The following TSPAN11 variants were observed in gnomAD, a reference collection of about 807,000 sequenced individuals.
The protein encoded by TSPAN11 is tetraspanin-11.
A neutral mutation model predicts 32.9 loss-of-function variants in TSPAN11; 29 were observed. The ratio of observed to expected loss-of-function variants is 0.88; its 90% confidence interval spans 0.66 to 1.20. The LOEUF is 1.20. Ranked by LOEUF, TSPAN11 falls within the 50% of genes most tolerant of loss-of-function variation. The probability of loss-of-function intolerance (pLI) is 0.00; values close to 1 mark genes in which losing one functional copy is unlikely to be tolerated. For missense variants in TSPAN11, 283 were observed against 329.1 expected (o/e 0.86, Z 1.08); for synonymous variants, 140 against 141.3 (o/e 0.99, Z 0.07).
At chr12:30,939,110 G>A (rs1304872417) in intron 1 of TSPAN11, among the ~76,000 whole-genome samples, 1 of 151,946 alleles carries the variant, frequency 6.6e-6, no homozygotes, top group African/African-American at 2.4e-5. Context: ...GCATGGTGGT[G>A]CATGCCTGTA....
intron 3 of TSPAN11, among the ~76,000 whole-genome samples, chr12:30,969,503 C>T (rs1938804814): frequency 6.6e-6 from 1 of 152,150 alleles, no homozygotes; most frequent in Admixed American, 6.5e-5. Flanking sequence ...ACCTCAGAAC[C>T]CTGAAGGCTC....
intron 2 of TSPAN11, among the ~76,000 whole-genome samples, chr12:30,961,018 G>C (rs1267401588): frequency 7.2e-6 from 1 of 138,272 alleles, no homozygotes; most frequent in Non-Finnish European, 1.5e-5. Context: ...CAGACTAGGC[G>C]ACAGAGCGAG....
Position 30,954,198 on chromosome 12 carries a change from T to C in TSPAN11, c.84+123T>C, listed in dbSNP as rs965865248. 8 of 730,780 alleles carry C rather than the reference T, an allele frequency of 1.1e-5. No homozygotes were observed. The African/African-American group carries it at 1.2e-4, about 11-fold the overall frequency. The allele number at this position is 730,780 out of a possible 1,614,324, so 45.3% of individuals were successfully genotyped here. A position where few individuals can be genotyped will look rare whatever the true frequency, so the allele number is the denominator to read the frequency against. On this transcript the variant is annotated intron_variant, in intron 2 of 7. Coordinates refer to ENST00000546076, the MANE Select transcript of TSPAN11 (RefSeq NM_001370302.1). ...CAAATCAAAGATCAACGATCAACCATGGGTGAATTCTTCCCACTTTAAAGC... is the reference window on the plus strand; with the variant it reads ...CAAATCAAAGATCAACGATCAACCACGGGTGAATTCTTCCCACTTTAAAGC...
chr12:30,983,566 T>C (rs1939141021), intron 7 of TSPAN11, among the ~76,000 whole-genome samples: 1 of 152,132 alleles, frequency 6.6e-6, no homozygotes, highest in African/African-American at 2.4e-5. Flanking sequence ...TGTGTGTGAG[T>C]GTGCACGTAT....
At chr12:30,938,826 TC>T (rs1255600697) in intron 1 of TSPAN11, among the ~76,000 whole-genome samples, 1 of 152,034 alleles carries the variant, frequency 6.6e-6, no homozygotes, top group East Asian at 1.9e-4. Context: ...CAACTTATCT[TC>T]CCTCCTCAAA....
intron 1 of TSPAN11, among the ~76,000 whole-genome samples, chr12:30,937,343 A>G (rs747589417): frequency 1.3e-5 from 2 of 152,320 alleles, no homozygotes; most frequent in African/African-American, 4.8e-5. Flanking sequence ...GTTGCATCTT[A>G]ACAGCTGAGA....
intron 3 of TSPAN11, among the ~76,000 whole-genome samples, chr12:30,973,091 TC>T (rs1245625433): frequency 6.6e-6 from 1 of 152,062 alleles, no homozygotes; most frequent in Non-Finnish European, 1.5e-5. Context: ...CATCCGTCCA[TC>T]CCTCCCCCAT....
chr12:30,963,260 A>G (rs538410972), intron 2 of TSPAN11, among the ~76,000 whole-genome samples: 2 of 152,310 alleles, frequency 1.3e-5, no homozygotes, highest in African/African-American at 2.4e-5. Flanking sequence ...CCTGCCCCCA[A>G]CTACAGGCAG....
chr12:30,963,955 A>T lies in TSPAN11; in HGVS notation c.214A>T (p.Met72Leu). 6.2e-7 allele frequency: 1 copy of T among 1,614,072 alleles called. No individual in the cohort carries two copies. The highest frequency in any genetic ancestry group is 8.5e-7 in the Non-Finnish European group (1 of 1,180,016). Reference protein sequence around the residue: ...YILIFAGVLVMVTGFLGFGAI... With the variant: ...YILIFAGVLVLVTGFLGFGAI... ...CCTCATCTTTGCGGGCGTACTTGTCATGGTGACCGGCTTCCTGGGCTTCGG... is the reference window on the plus strand; with the variant it reads ...CCTCATCTTTGCGGGCGTACTTGTCTTGGTGACCGGCTTCCTGGGCTTCGG... Residue 72 changes from methionine (M) to leucine (L), a missense_variant, in exon 3 of 8, where the codon ATG (methionine) becomes TTG (leucine). Met to Leu is a conservative substitution (Grantham distance 15, BLOSUM62 2). Coordinates refer to ENST00000546076, the MANE Select transcript of TSPAN11 (RefSeq NM_001370302.1).
the TSPAN11 span, among the ~76,000 whole-genome samples, chr12:31,008,843 C>T: frequency 2.0e-5 from 3 of 152,024 alleles, no homozygotes; most frequent in African/African-American, 7.3e-5. Context: ...GGTTCCCACC[C>T]ATTTCCCTGA....
the TSPAN11 span, among the ~76,000 whole-genome samples, chr12:31,007,052 C>G: frequency 1.7e-4 from 26 of 152,240 alleles, no homozygotes; most frequent in Middle Eastern, 3.4e-3. Context: ...GTAGGGGGGG[C>G]CCCTCCCCAG....
At chr12:30,966,678 G>T (rs1938740223) in intron 3 of TSPAN11, among the ~76,000 whole-genome samples, 1 of 152,256 alleles carries the variant, frequency 6.6e-6, no homozygotes, top group Non-Finnish European at 1.5e-5. Flanking sequence ...GAGGCCAAGG[G>T]GGAGGATGTG....
At chr12:30,970,358 G>A (rs1157843592) in intron 3 of TSPAN11, among the ~76,000 whole-genome samples, 1 of 152,074 alleles carries the variant, frequency 6.6e-6, no homozygotes, top group African/African-American at 2.4e-5. Flanking sequence ...GCCTGTCTTT[G>A]GCTTGGAGTT....
intron 1 of TSPAN11, among the ~76,000 whole-genome samples, chr12:30,950,936 A>C (rs1400043172): frequency 1.3e-5 from 2 of 152,372 alleles, no homozygotes; most frequent in East Asian, 3.9e-4. Context: ...CACAACTCCA[A>C]ATTTCTTTAC....
At chr12:30,978,316 A>C in intron 3 of TSPAN11, 1 of 499,298 alleles carries the variant, frequency 2.0e-6, no homozygotes, top group Admixed American at 3.2e-5. Flanking sequence ...CATCTGGCAT[A>C]TGGCATGTAT....
intron 3 of TSPAN11, among the ~76,000 whole-genome samples, chr12:30,976,212 G>C (rs1938967603): frequency 6.6e-6 from 1 of 152,164 alleles, no homozygotes; most frequent in South Asian, 2.1e-4. Flanking sequence ...TCATGCTGTG[G>C]GACCTGGAGC....
intron 7 of TSPAN11, among the ~76,000 whole-genome samples, chr12:30,985,773 C>T (rs1331275793): frequency 2.0e-5 from 3 of 152,192 alleles, no homozygotes; most frequent in African/African-American, 7.2e-5. Context: ...TGCCCAGAGC[C>T]GACGGTCAAG....
chr12:31,015,110 C>T, the TSPAN11 span, among the ~76,000 whole-genome samples: 1 of 152,200 alleles, frequency 6.6e-6, no homozygotes, highest in Non-Finnish European at 1.5e-5. This position sits in a 1 kb window ranked among gnomAD's most constrained non-coding sequence, Gnocchi z 4.9. Context: ...GTGCTTTCCT[C>T]ACATCTGTGC....
chr12:30,932,456 A>C (rs1937952279), intron 1 of TSPAN11, among the ~76,000 whole-genome samples: 2 of 152,238 alleles, frequency 1.3e-5, no homozygotes, highest in South Asian at 4.2e-4. Context: ...TCAACTACTC[A>C]TCAATGCACT....
Sources: gnomAD v4.1 joint callset for allele counts (sites outside exome capture counted in the v4.1 genomes callset) on GRCh38, gnomAD v4.1.1 for gene constraint, Gnocchi (gnomAD v3.1) non-coding constraint, MANE v1.5 for transcripts, NCBI Gene and HGNC (gene_info 2026-07-23, HGNC 2026-07-21) for gene names.